The following CDH8 variants were observed in gnomAD, a reference collection of about 807,000 sequenced individuals.
CDH8 encodes the protein cadherin 8.
CDH8 carries 17 observed loss-of-function variants against 68.1 expected under a neutral mutation model. That is an observed-to-expected ratio of 0.25 (90% CI 0.17 to 0.37). CDH8 has a LOEUF of 0.37. Among genes scored for constraint, CDH8 ranks in the 10% least tolerant of loss-of-function variants. The probability of loss-of-function intolerance (pLI) is 1.00; values close to 1 mark genes in which losing one functional copy is unlikely to be tolerated. For missense variants in CDH8, 763 were observed against 999.3 expected (o/e 0.76, Z 3.19); for synonymous variants, 372 against 365.1 (o/e 1.02, Z -0.21).
At chr16:61,721,130 C>T (rs534655673) in intron 9 of CDH8, among the ~76,000 whole-genome samples, 1 of 150,740 alleles carries the variant, frequency 6.6e-6, no homozygotes, top group African/African-American at 2.4e-5. Flanking sequence ...ATTCACTTTG[C>T]TTTGCTTTTC....
Position 61,817,377 on chromosome 16 carries a change from C to T in CDH8, c.1277+102G>A, listed in dbSNP as rs944025686. 27 of 1,123,548 alleles carry T rather than the reference C, an allele frequency of 2.4e-5. No individual in the cohort carries two copies. The Admixed American group carries it at 4.4e-4, about 18-fold the overall frequency. The allele number at this position is 1,123,548 out of a possible 1,614,324, so 69.6% of individuals were successfully genotyped here. ...AACCAACATTATTTGGTCATGTGAG[C>T]ATAGTCCCAAGGAGAGCCCCACAGA... On this transcript the variant is annotated intron_variant, in intron 7 of 11. Transcript: ENST00000577390.
At chr16:61,772,756 A>G (rs1247894172) in intron 8 of CDH8, among the ~76,000 whole-genome samples, 1 of 152,074 alleles carries the variant, frequency 6.6e-6, no homozygotes, top group Non-Finnish European at 1.5e-5. Context: ...TGGTCCCTGG[A>G]CCTGCAGCAT....
At chr16:61,851,669 AC>A (rs5817314) in intron 4 of CDH8, among the ~76,000 whole-genome samples, 23,185 of 151,796 alleles carry the variant, frequency 0.15, 2,048 homozygotes, top group East Asian at 0.23. Context: ...CAAAAAAAAA[AC>A]ATTTTAAGAA....
intron 8 of CDH8, 34 bp downstream of exon 8, chr16:61,789,312 C>T (rs749777274): frequency 1.9e-6 from 3 of 1,595,082 alleles, no homozygotes; most frequent in East Asian, 4.5e-5. Flanking sequence ...AACTCAGTCA[C>T]ACAAGGAAGA....
At chr16:61,894,172 T>C (rs1302560416) in intron 3 of CDH8, among the ~76,000 whole-genome samples, 1 of 152,246 alleles carries the variant, frequency 6.6e-6, no homozygotes, top group Non-Finnish European at 1.5e-5. Flanking sequence ...TACCACCTGA[T>C]ACAAATTAGT....
chr16:62,034,175 T>C (rs1187827809), intron 1 of CDH8, among the ~76,000 whole-genome samples: 1 of 135,258 alleles, frequency 7.4e-6, no homozygotes, highest in Non-Finnish European at 1.6e-5. Flanking sequence ...CCACCTCATA[T>C]ATATATCTCT....
intron 8 of CDH8, among the ~76,000 whole-genome samples, chr16:61,785,119 A>C (rs1304146849): frequency 7.1e-6 from 1 of 141,294 alleles, no homozygotes; most frequent in Non-Finnish European, 1.5e-5. Context: ...GAGACACAAA[A>C]AACCCTTCAA....
chr16:61,764,524 A>G (rs776049409), intron 8 of CDH8, among the ~76,000 whole-genome samples: 17 of 152,104 alleles, frequency 1.1e-4, no homozygotes, highest in Non-Finnish European at 2.2e-4. Context: ...ACATGCCAGC[A>G]AAACTGTCAG....
At position 62,021,359 on chromosome 16, in the gene CDH8, T is replaced by C. The variant is rs1597131223; in HGVS notation, c.45A>G (p.Pro15=). 6.2e-7 allele frequency: 1 copy of C among 1,613,792 alleles called. No individual in the cohort carries two copies. Among genetic ancestry groups the C allele is most frequent in the East Asian group, 2.2e-5 (1 of 44,872 alleles). The change falls in exon 2 of 12, where the codon CCA becomes CCG. Residue 15 remains proline, a synonymous_variant. Coordinates refer to ENST00000577390, the MANE Select transcript of CDH8 (RefSeq NM_001796.5). ...LAEMLLDLWT[P]LIILWITLPP... Reference sequence around the variant, plus strand: ...GAAGAGTAATCCATAATATTATTAATGGAGTCCAGAGATCCAAGAGCATTT... The same window carrying C: ...GAAGAGTAATCCATAATATTATTAACGGAGTCCAGAGATCCAAGAGCATTT...
In CDH8 at chr16:61,869,326, C is replaced by T. The variant is rs181499422; in HGVS notation, c.548-12088G>A. The stretch of plus-strand genomic sequence containing the variant: ...ATTATTGCCTAGACTGTAACCTAGG[C>T]GTGTTGCAGGAGTGGTGGGTGTGCA... On this transcript the variant is annotated intron_variant, in intron 3 of 11. Transcript: ENST00000577390. 3.3e-3 allele frequency among the ~76,000 whole-genome samples: 498 copies of T among 152,116 alleles called. 2 individuals are homozygous for T. The highest frequency in any genetic ancestry group is 5.2e-3 in the Non-Finnish European group (355 of 68,012).
At chr16:61,666,361 G>A (rs1017732826) in intron 10 of CDH8, among the ~76,000 whole-genome samples, 1 of 151,986 alleles carries the variant, frequency 6.6e-6, no homozygotes, top group Non-Finnish European at 1.5e-5. Context: ...TACTGTTAGT[G>A]TTTAAATATC....
At chr16:61,883,032 A>T (rs1258946437) in intron 3 of CDH8, among the ~76,000 whole-genome samples, 1 of 152,274 alleles carries the variant, frequency 6.6e-6, no homozygotes, top group Admixed American at 6.5e-5. Flanking sequence ...GATCATCATC[A>T]TTTCTGTTAT....
rs1184437096 is a variant in CDH8 at position 61,650,553 on chromosome 16, ATACT to A, written c.*3051_*3054del. ...TGTTATTTAACAAATTGAGCATGGG[ATACT>A]TAAATCTTAGAAAATGTTAGGAACC... is the stretch of plus-strand genomic sequence containing the variant. On this transcript the variant is annotated 3_prime_UTR_variant, in exon 12 of 12. Transcript: ENST00000577390. 2 of 152,200 alleles carry A rather than the reference ATACT, an allele frequency of 1.3e-5. No homozygotes were observed. Among genetic ancestry groups the A allele is most frequent in the Admixed American group, 6.6e-5 (1 of 15,254 alleles). 9.4% of individuals were successfully genotyped at this position (152,200 alleles called of 1,614,324 possible).
chr16:61,774,461 A>G (rs1340250184), intron 8 of CDH8, among the ~76,000 whole-genome samples: 66 of 34,322 alleles, frequency 1.9e-3, no homozygotes, highest in African/African-American at 2.9e-3. Context: ...CACTCAGGGA[A>G]AAAAAAAAAA....
At chr16:61,719,608 C>T (rs1959202183) in intron 9 of CDH8, among the ~76,000 whole-genome samples, 1 of 151,002 alleles carries the variant, frequency 6.6e-6, no homozygotes, top group African/African-American at 2.4e-5. Flanking sequence ...ATAAAATTCA[C>T]AGTTTTCCAC....
At chr16:61,990,357 C>T (rs1183639431) in intron 2 of CDH8, among the ~76,000 whole-genome samples, 3 of 136,960 alleles carry the variant, frequency 2.2e-5, no homozygotes, top group Non-Finnish European at 4.6e-5. Context: ...CTCTGTCACC[C>T]AGGCTGGAGT....
At chr16:61,981,122 A>G (rs140277614) in intron 2 of CDH8, among the ~76,000 whole-genome samples, 188 of 152,366 alleles carry the variant, frequency 1.2e-3, no homozygotes, top group African/African-American at 4.3e-3. Context: ...CATAGAAACA[A>G]CTTATGAAGT....
At chr16:61,688,063 T>G (rs576146058) in intron 10 of CDH8, among the ~76,000 whole-genome samples, 101 of 152,084 alleles carry the variant, frequency 6.6e-4, no homozygotes, top group African/African-American at 2.3e-3. Flanking sequence ...CATCCAGAAT[T>G]TATGTTCTAA....
At chr16:61,701,511 T>C (rs4270169) in intron 10 of CDH8, among the ~76,000 whole-genome samples, 63,446 of 151,988 alleles carry the variant, frequency 0.42, 13,554 homozygotes, top group African/African-American at 0.49. Context: ...TGTCTTAATA[T>C]ATTGTGTACA....
Sources: allele counts gnomAD v4.1 joint callset (sites outside exome capture counted in the v4.1 genomes callset), GRCh38; gene constraint gnomAD v4.1.1; transcripts MANE v1.5; gene names NCBI Gene and HGNC (gene_info 2026-07-23, HGNC 2026-07-21).